The following SNX25 variants were observed in gnomAD, a reference collection of about 807,000 sequenced individuals.
SNX25 encodes sorting nexin-25.
In SNX25, 62 loss-of-function variants were observed where a neutral mutation model predicts 113.7. That is an observed-to-expected ratio of 0.55 (90% CI 0.44 to 0.67). The LOEUF (loss-of-function observed/expected upper bound fraction) is 0.67, where lower values mean the gene tolerates loss of function less well. Among genes scored for constraint, SNX25 ranks in the 30% least tolerant of loss-of-function variants. The pLI, the probability that SNX25 is intolerant of heterozygous loss-of-function variation, is 0.00. For missense variants in SNX25, 1,014 were observed against 1,161.0 expected (o/e 0.87, Z 1.84); for synonymous variants, 421 against 436.2 (o/e 0.97, Z 0.43).
intron 6 of SNX25, chr4:185,295,898 C>G (rs192975959): frequency 6.6e-6 from 1 of 152,122 alleles, no homozygotes; most frequent in East Asian, 1.9e-4. Context: ...AGGGGTTAAC[C>G]GCTGTCTCGC....
intron 10 of SNX25, among the ~76,000 whole-genome samples, chr4:185,333,962 T>G (rs2095213466): frequency 6.7e-6 from 1 of 148,936 alleles, no homozygotes; most frequent in Admixed American, 6.7e-5. Context: ...GAAAGGAAGA[T>G]CTCTTGAATC....
At chr4:185,297,112 G>A (rs1163462278) in intron 6 of SNX25, among the ~76,000 whole-genome samples, 1 of 152,106 alleles carries the variant, frequency 6.6e-6, no homozygotes, top group Non-Finnish European at 1.5e-5. Flanking sequence ...GAGTTCTTCA[G>A]GGTTTGTTCC....
At chr4:185,239,774 CT>C (rs564649102) in intron 1 of SNX25, among the ~76,000 whole-genome samples, 40,292 of 110,382 alleles carry the variant, frequency 0.37, 6,065 homozygotes, top group East Asian at 0.52. Flanking sequence ...TTTTTTTTTT[CT>C]TTTTTTTTTT....
At chr4:185,330,643 T>C (rs908243625) in intron 9 of SNX25, among the ~76,000 whole-genome samples, 1 of 152,196 alleles carries the variant, frequency 6.6e-6, no homozygotes, top group Non-Finnish European at 1.5e-5. Context: ...TCATCTTACA[T>C]AGAAAGATTA....
intron 13 of SNX25, among the ~76,000 whole-genome samples, chr4:185,348,640 A>G (rs931398506): frequency 2.6e-5 from 4 of 152,100 alleles, no homozygotes; most frequent in African/African-American, 9.7e-5. Flanking sequence ...CAGGTGACCA[A>G]TCTGCCTCGG....
chr4:185,241,462 C>A (rs1197592117), intron 1 of SNX25, among the ~76,000 whole-genome samples: 1 of 113,108 alleles, frequency 8.8e-6, no homozygotes, highest in African/African-American at 2.8e-5. Context: ...TCGGGGAGAC[C>A]GTGGAAAGAG....
intron 5 of SNX25, among the ~76,000 whole-genome samples, chr4:185,282,257 G>A (rs1750706523): frequency 6.6e-6 from 1 of 152,062 alleles, no homozygotes; most frequent in Non-Finnish European, 1.5e-5. Context: ...CACCTCCCGA[G>A]TTCAAGCGAT....
chr4:185,356,633 A>C (rs1366945270), intron 15 of SNX25, among the ~76,000 whole-genome samples: 2 of 152,242 alleles, frequency 1.3e-5, no homozygotes, highest in Non-Finnish European at 2.9e-5. Context: ...ATTAATGTCT[A>C]GTGCCAAGTC....
rs980142947 is a variant in SNX25 at position 185,303,703 on chromosome 4, G to A, written c.1163-6932G>A. 2.0e-5 allele frequency among the ~76,000 whole-genome samples: 3 copies of A among 151,220 alleles called. 1 individual carries two copies. The highest frequency in any genetic ancestry group is 1.3e-4 in the Admixed American group (2 of 15,174). On this transcript the variant is annotated intron_variant, in intron 6 of 18. Coordinates refer to ENST00000652585, the MANE Select transcript of SNX25 (RefSeq NM_001378034.2). ...AAAAGCAAGGCAGGGCACACAGTGG[G>A]CACACCCTGGCCGGGCTGCACAAAG...
At chr4:185,230,786 T>A (rs1741725590) in intron 1 of SNX25, among the ~76,000 whole-genome samples, 1 of 152,168 alleles carries the variant, frequency 6.6e-6, no homozygotes, top group African/African-American at 2.4e-5. Flanking sequence ...TTAGGAAATG[T>A]TGTTAAAAAT....
At chr4:185,376,443 CTTT>C in the SNX25 span, among the ~76,000 whole-genome samples, 3 of 105,824 alleles carry the variant, frequency 2.8e-5, no homozygotes, top group African/African-American at 7.8e-5. Context: ...TGCCCAGCTA[CTTT>C]TTTTTTTTTT....
chr4:185,229,374 G>A (rs1351086343), intron 1 of SNX25, among the ~76,000 whole-genome samples: 1 of 152,240 alleles, frequency 6.6e-6, no homozygotes, highest in Non-Finnish European at 1.5e-5. Context: ...GCGCCGTGGA[G>A]TGGAGATGAG....
intron 1 of SNX25, among the ~76,000 whole-genome samples, chr4:185,231,538 C>T (rs988616106): frequency 3.3e-4 from 50 of 151,866 alleles, no homozygotes; most frequent in African/African-American, 1.1e-3. Context: ...TGCGAAACCC[C>T]GTCTCTACTA....
chr4:185,304,200 T>C (rs545232991), intron 6 of SNX25, among the ~76,000 whole-genome samples: 2 of 152,290 alleles, frequency 1.3e-5, no homozygotes, highest in South Asian at 2.1e-4. Flanking sequence ...GGCTGGAACA[T>C]AGAGACGTGA....
chr4:185,276,153 A>T (rs1749642885), intron 5 of SNX25, among the ~76,000 whole-genome samples: 1 of 152,224 alleles, frequency 6.6e-6, no homozygotes. Context: ...TGATCTCTGA[A>T]TTTATTATGT....
intron 6 of SNX25, among the ~76,000 whole-genome samples, chr4:185,305,281 G>A (rs1487498619): frequency 6.6e-6 from 1 of 152,180 alleles, no homozygotes; most frequent in African/African-American, 2.4e-5. Flanking sequence ...TAGTGCTGAG[G>A]TTGAGAAACC....
chr4:185,353,174 T>G (rs1313815331), intron 14 of SNX25: 1 of 203,994 alleles, frequency 4.9e-6, no homozygotes, highest in Non-Finnish European at 9.7e-6. Context: ...AAATAAAAAA[T>G]AAGTTAAAAG....
chr4:185,222,123 A>G (rs867392161), intron 1 of SNX25, among the ~76,000 whole-genome samples: 6 of 143,714 alleles, frequency 4.2e-5, no homozygotes, highest in African/African-American at 1.6e-4. Context: ...GCAGATATAT[A>G]GCACCATATA....
At chr4:185,325,127 T>C (rs925494768) in intron 9 of SNX25, among the ~76,000 whole-genome samples, 1 of 152,222 alleles carries the variant, frequency 6.6e-6, no homozygotes, top group Admixed American at 6.5e-5. Flanking sequence ...TTTTCAGCAG[T>C]GTCTCTTACT....
Sources: gnomAD v4.1 joint callset for allele counts (sites outside exome capture counted in the v4.1 genomes callset) on GRCh38, gnomAD v4.1.1 for gene constraint, MANE v1.5 for transcripts, NCBI Gene and HGNC (gene_info 2026-07-23, HGNC 2026-07-21) for gene names.